AFG2A: variants seen among roughly 807,000 people sequenced by gnomAD.
AFG2A encodes the protein AAA ATPase AFG2A.
chr4:123,107,142 C>G, the AFG2A span, among the ~76,000 whole-genome samples: 1 of 152,202 alleles, frequency 6.6e-6, no homozygotes, highest in Non-Finnish European at 1.5e-5. Context: ...CAGGGAGCCC[C>G]TAGGTCTGGG....
chr4:122,991,146 C>T, the AFG2A span, among the ~76,000 whole-genome samples: 1 of 152,182 alleles, frequency 6.6e-6, no homozygotes, highest in Non-Finnish European at 1.5e-5. Context: ...TTCTTTCCAT[C>T]ACTGTGTGTT....
At chr4:122,948,369 C>G in the AFG2A span, among the ~76,000 whole-genome samples, 11 of 144,638 alleles carry the variant, frequency 7.6e-5, no homozygotes, top group African/African-American at 2.5e-4. Context: ...CTATATCCTA[C>G]TAGACTTCTC....
chr4:123,154,750 ATT>A, the AFG2A span, among the ~76,000 whole-genome samples: 1 of 152,310 alleles, frequency 6.6e-6, no homozygotes, highest in East Asian at 1.9e-4. Context: ...AAAAAAATAT[ATT>A]AAGAGAAAAG....
chr4:123,046,427 A>G, the AFG2A span, among the ~76,000 whole-genome samples: 1 of 152,230 alleles, frequency 6.6e-6, no homozygotes, highest in African/African-American at 2.4e-5. Context: ...GTTAGTACTT[A>G]TGATTGCAAT....
At chr4:123,098,359 C>G in the AFG2A span, among the ~76,000 whole-genome samples, 1 of 151,950 alleles carries the variant, frequency 6.6e-6, no homozygotes, top group Non-Finnish European at 1.5e-5. Flanking sequence ...TCACATACTT[C>G]TTATTTTTTT....
chr4:123,193,374 A>G, the AFG2A span, among the ~76,000 whole-genome samples: 3 of 152,216 alleles, frequency 2.0e-5, no homozygotes, highest in African/African-American at 7.2e-5. Context: ...CCTAGTGTAC[A>G]AGATTTTATA....
chr4:123,002,131 G>C, the AFG2A span, among the ~76,000 whole-genome samples: 25 of 152,118 alleles, frequency 1.6e-4, no homozygotes, highest in African/African-American at 6.0e-4. Flanking sequence ...TGCAAGCCCT[G>C]CCTTTTTTTG....
At chr4:123,222,446 C>A in the AFG2A span, among the ~76,000 whole-genome samples, 2 of 152,138 alleles carry the variant, frequency 1.3e-5, no homozygotes, top group Non-Finnish European at 2.9e-5. Context: ...AAATCCTAAG[C>A]TGGATACACA....
chr4:123,006,106 T>TTG, the AFG2A span, among the ~76,000 whole-genome samples: 6 of 151,602 alleles, frequency 4.0e-5, no homozygotes, highest in Admixed American at 3.3e-4. Flanking sequence ...CTTCTTCAGT[T>TTG]TTTTTTTTTA....
the AFG2A span, among the ~76,000 whole-genome samples, chr4:123,154,732 G>T: frequency 6.6e-6 from 1 of 152,124 alleles, no homozygotes; most frequent in South Asian, 2.1e-4. Context: ...TTATGGGATG[G>T]ATTAGAGAAA....
the AFG2A span, among the ~76,000 whole-genome samples, chr4:122,997,084 A>G: frequency 1.3e-5 from 2 of 152,194 alleles, no homozygotes; most frequent in Non-Finnish European, 2.9e-5. Flanking sequence ...TAGCTATTAC[A>G]TATCCCTTTA....
chr4:122,947,488 G>GGTGA, the AFG2A span: 13 of 1,606,346 alleles, frequency 8.1e-6, no homozygotes, highest in Non-Finnish European at 1.1e-5. Flanking sequence ...TAATGAAGCA[G>GGTGA]GTGAGTGTGG....
the AFG2A span, among the ~76,000 whole-genome samples, chr4:123,022,916 G>A: frequency 8.6e-5 from 13 of 151,190 alleles, no homozygotes; most frequent in Non-Finnish European, 7.4e-5. Flanking sequence ...ATCATCATTC[G>A]CAGTAAACTA....
the AFG2A span, among the ~76,000 whole-genome samples, chr4:123,201,842 A>C: frequency 6.6e-6 from 1 of 152,126 alleles, no homozygotes; most frequent in Non-Finnish European, 1.5e-5. Flanking sequence ...AGACCATCTG[A>C]GCTGGTGAGG....
At chr4:123,138,666 C>T in the AFG2A span, among the ~76,000 whole-genome samples, 1 of 151,836 alleles carries the variant, frequency 6.6e-6, no homozygotes, top group Admixed American at 6.6e-5. Flanking sequence ...TTTTTGTAAT[C>T]ATAACAGCGT....
At chr4:123,099,775 C>T in the AFG2A span, among the ~76,000 whole-genome samples, 1 of 151,750 alleles carries the variant, frequency 6.6e-6, no homozygotes, top group Non-Finnish European at 1.5e-5. Flanking sequence ...CATAAATCTA[C>T]AATTGTTATT....
the AFG2A span, among the ~76,000 whole-genome samples, chr4:123,027,919 G>A: frequency 1.3e-5 from 2 of 151,482 alleles, no homozygotes; most frequent in African/African-American, 2.4e-5. Flanking sequence ...TAGATTTTAC[G>A]ATATGCTCAA....
At chr4:122,967,586 T>G in the AFG2A span, among the ~76,000 whole-genome samples, 1 of 152,236 alleles carries the variant, frequency 6.6e-6, no homozygotes, top group African/African-American at 2.4e-5. Context: ...TAGTATATTT[T>G]GCACACTAGT....
the AFG2A span, among the ~76,000 whole-genome samples, chr4:123,066,646 A>G: frequency 6.6e-6 from 1 of 151,996 alleles, no homozygotes; most frequent in Admixed American, 6.6e-5. Flanking sequence ...GTTTTAAGAA[A>G]CTCTAGTAGT....
Sources: gnomAD v4.1 joint callset for allele counts (sites outside exome capture counted in the v4.1 genomes callset) on GRCh38, gnomAD v4.1.1 for gene constraint, MANE v1.5 for transcripts, NCBI Gene and HGNC (gene_info 2026-07-23, HGNC 2026-07-21) for gene names.